Variants in UNC13D observed in about 807,000 individuals in gnomAD.
UNC13D encodes the protein unc-13 homolog D.
A neutral mutation model predicts 151.7 loss-of-function variants in UNC13D; 115 were observed. The ratio of observed to expected loss-of-function variants is 0.76; its 90% CI spans 0.65 to 0.88. The LOEUF is 0.88. Among genes scored for constraint, UNC13D ranks in the 40% least tolerant of loss-of-function variants. UNC13D has a pLI of 0.00. For synonymous variants in UNC13D, 588 were observed against 612.2 expected, an observed-to-expected ratio of 0.96 and a Z score of 0.58; for missense variants, 1,369 against 1,438.7, an observed-to-expected ratio of 0.95 and a Z score of 0.78.
chr17:75,827,667 C>G lies in UNC13D; in HGVS notation c.*298G>C. The G allele has an allele frequency of 6.5e-7, 1 of 1,529,300 alleles. No homozygotes were observed. Among genetic ancestry groups the G allele is most frequent in the South Asian group, 1.2e-5 (1 of 83,902 alleles). 94.7% of individuals were successfully genotyped at this position (1,529,300 alleles called of 1,614,324 possible). Reference sequence around the variant, plus strand: ...ACAGATGGCCCAATCCCCTGCCCACCACAGCAGCTTTTCTGAGAGGCGGGC... The same window carrying G: ...ACAGATGGCCCAATCCCCTGCCCACGACAGCAGCTTTTCTGAGAGGCGGGC... On this transcript the variant is annotated 3_prime_UTR_variant, in exon 32 of 32. Transcript: ENST00000207549.
chr17:75,837,366 A>C (rs1456604318), intron 12 of UNC13D, among the ~76,000 whole-genome samples: 1 of 151,450 alleles, frequency 6.6e-6, no homozygotes, highest in East Asian at 2.0e-4. Context: ...GTGACCAGCC[A>C]GGATTTTTTT....
Position 75,827,570 on chromosome 17 carries a change from C to T in UNC13D, c.*395G>A, listed in dbSNP as rs960829199. 7 of 1,535,128 alleles carry T rather than the reference C, an allele frequency of 4.6e-6. No individual in the cohort carries two copies. Among genetic ancestry groups the T allele is most frequent in the Middle Eastern group, 1.7e-4 (1 of 5,996 alleles). On this transcript the variant is annotated 3_prime_UTR_variant, in exon 32 of 32. Transcript: ENST00000207549. Reference sequence around the variant, plus strand: ...GAGACTCTGTGCCTGTAGCCCTGGTCCCAGTGAACCTGGCCCCCACCCCAG... The same window carrying T: ...GAGACTCTGTGCCTGTAGCCCTGGTTCCAGTGAACCTGGCCCCCACCCCAG...
intron 12 of UNC13D, among the ~76,000 whole-genome samples, chr17:75,839,406 CA>C (rs34913290): frequency 0.37 from 40,432 of 110,668 alleles, 5,950 homozygotes; most frequent in African/African-American, 0.47. Context: ...AACTCCGTTT[CA>C]AAAAAAAAAA....
chr17:75,835,373 C>G (rs2064899861), intron 20 of UNC13D, 36 bp downstream of exon 20: 2 of 1,604,706 alleles, frequency 1.2e-6, no homozygotes, highest in Non-Finnish European at 1.7e-6. Flanking sequence ...CACCCCCAAA[C>G]CGGGGCCCCG....
intron 6 of UNC13D, among the ~76,000 whole-genome samples, chr17:75,841,750 A>AT (rs1212805297): frequency 0.047 from 5,263 of 111,340 alleles, 125 homozygotes; most frequent in African/African-American, 0.072. Context: ...GCCCCCACTA[A>AT]TTTTTTTTTT....
intron 12 of UNC13D, 92 bp downstream of exon 12, chr17:75,839,747 T>G: frequency 5.1e-6 from 7 of 1,360,398 alleles, no homozygotes; most frequent in Non-Finnish European, 6.3e-6. Context: ...GGAACTCTGC[T>G]GAGAATTACA....
Position 75,836,844 on chromosome 17 carries a change from C to A in UNC13D, c.1130G>T (p.Ser377Ile), listed in dbSNP as rs939002658. 1 of 1,614,054 alleles carries A rather than the reference C, an allele frequency of 6.2e-7. No homozygotes were observed. Among genetic ancestry groups the A allele is most frequent in the South Asian group, 1.1e-5 (1 of 91,078 alleles). Residue 377 changes from serine to isoleucine, a missense_variant, in exon 13 of 32, where the codon AGC becomes ATC. By Grantham distance (142) the Ser-to-Ile change is moderately radical. This residue lies in a region of UNC13D where 550 missense variants were observed against 609.0 expected (regional missense o/e 0.90). Coordinates refer to ENST00000207549, the MANE Select transcript of UNC13D (RefSeq NM_199242.3). Reference sequence around the variant, plus strand: ...ACCCTGGATCCACTGGTACTCGATGCTGGTGATGGGGTGCAGGAGGCAGCT... The same window carrying A: ...ACCCTGGATCCACTGGTACTCGATGATGGTGATGGGGTGCAGGAGGCAGCT... Reference protein sequence around the residue: ...PSSCLLHPITSIEYQWIQGRL... With the variant: ...PSSCLLHPITIIEYQWIQGRL...
At chr17:75,835,356 C>G in intron 20 of UNC13D, 53 bp downstream of exon 20, 2 of 1,598,172 alleles carry the variant, frequency 1.3e-6, no homozygotes, top group Non-Finnish European at 1.7e-6. Context: ...AGGCAGAACC[C>G]AAGCCTCACC....
At chr17:75,844,056 C>A in intron 1 of UNC13D, 165 bp downstream of exon 1, 1 of 1,455,876 alleles carries the variant, frequency 6.9e-7, no homozygotes, top group Non-Finnish European at 9.1e-7. Context: ...CTGGCAGCCC[C>A]TGCTCTGCTG....
At chr17:75,843,105 G>A (rs1183874256) in intron 3 of UNC13D, 32 bp from the exon 4 acceptor site, 1 of 1,608,070 alleles carries the variant, frequency 6.2e-7, no homozygotes, top group Non-Finnish European at 8.5e-7. Flanking sequence ...GGGTGGCTGG[G>A]GGCACCAGAC....
rs2064882445 is a variant in UNC13D, at chr17:75,832,971, GA to G, written c.2441del (p.Phe814SerfsTer5). On this transcript the variant is annotated frameshift_variant, in exon 25 of 32. Transcript: ENST00000207549. LOFTEE classifies it high-confidence loss of function. The surrounding 1 kb of genome is among the most constrained non-coding windows in gnomAD (Gnocchi z 4.3). Reference protein sequence around the residue: ...YMNTNLVQENFSSLLTLLWTH... With the variant: ...YMNTNLVQENXSSLLTLLWTH... ...GGGCAGGGGCTGCTACAGACCTGCT[GA>G]AGTTCTCCTGCACCAAGTTGGTGTT... 2 of 1,584,476 alleles carry G rather than the reference GA, an allele frequency of 1.3e-6. No individual in the cohort carries two copies. The highest frequency in any genetic ancestry group is 1.7e-6 in the Non-Finnish European group (2 of 1,165,854).
chr17:75,835,804 G>GT, intron 18 of UNC13D, 27 bp from the exon 19 acceptor site: 2 of 1,613,986 alleles, frequency 1.2e-6, no homozygotes, highest in Non-Finnish European at 1.7e-6. Flanking sequence ...TGGAGGGCGG[G>GT]GCCCACAGCT....
At position 75,831,109 on chromosome 17, in the gene UNC13D, C is replaced by T. The variant is rs775574417; in HGVS notation, c.2614G>A (p.Ala872Thr). ...CGLPPKALHT[A>T]TFQALQRDLE... ...CCCAAAGCCCCTACCTGGAAGGTGG[C>T]AGTGTGCAGGGCCTTGGGTGGCAGG... Residue 872 changes from alanine (A) to threonine (T), a missense_variant, in exon 27 of 32, where the codon GCC (alanine) becomes ACC (threonine). Ala to Thr is a moderately conservative substitution (Grantham distance 58). Transcript: ENST00000207549. 3 of 1,613,934 alleles carry T rather than the reference C, an allele frequency of 1.9e-6. No individual in the cohort carries two copies. The South Asian group carries it at 3.3e-5, about 18-fold the overall frequency.
At chr17:75,839,262 C>A (rs1001431876) in intron 12 of UNC13D, among the ~76,000 whole-genome samples, 1 of 151,950 alleles carries the variant, frequency 6.6e-6, no homozygotes, top group Non-Finnish European at 1.5e-5. Context: ...GTTAGCTGGG[C>A]GTGGTGGCGC....
At position 75,832,505 on chromosome 17, in the gene UNC13D, G is replaced by A. The variant is rs2064879092; in HGVS notation, c.2447+461C>T. Reference sequence around the variant, plus strand: ...CTGGCATGCTGGGTCCCTGCTATAAGACACCCTAGCTAGAAGTTCTCCCTG... The same window carrying A: ...CTGGCATGCTGGGTCCCTGCTATAAAACACCCTAGCTAGAAGTTCTCCCTG... On this transcript the variant is annotated intron_variant, in intron 25 of 31. Coordinates refer to ENST00000207549, the MANE Select transcript of UNC13D (RefSeq NM_199242.3). The surrounding 1 kb of genome is among the most constrained non-coding windows in gnomAD (Gnocchi z 4.3). 1.9e-5 allele frequency: 3 copies of A among 158,172 alleles called. No homozygotes were observed. The highest frequency in any genetic ancestry group is 4.2e-5 in the Non-Finnish European group (3 of 71,000). 9.8% of individuals were successfully genotyped at this position (158,172 alleles called of 1,614,324 possible).
chr17:75,840,296 G>C lies in UNC13D; in HGVS notation c.787C>G (p.Leu263Val), dbSNP rs1256686989. Residue 263 changes from leucine to valine, a missense_variant, in exon 10 of 32, where the codon CTG becomes GTG. Around this residue, in one of 3 missense-constraint regions of UNC13D, gnomAD observed 550 missense variants for 609.0 expected, o/e 0.90. Coordinates refer to ENST00000207549, the MANE Select transcript of UNC13D (RefSeq NM_199242.3). The surrounding 1 kb of genome is among the most constrained non-coding windows in gnomAD (Gnocchi z 4.6). Reference protein sequence around the residue: ...LRCREDQWYPLEPRTETYPDR... With the variant: ...LRCREDQWYPVEPRTETYPDR... Reference sequence around the variant, plus strand: ...GGGTAGGTCTCAGTGCGGGGTTCCAGGGGGTACCACTGGTCCTCTCGGCAG... The same window carrying C: ...GGGTAGGTCTCAGTGCGGGGTTCCACGGGGTACCACTGGTCCTCTCGGCAG... The C allele has an allele frequency of 6.2e-7, 1 of 1,613,800 alleles. No homozygotes were observed. The highest frequency in any genetic ancestry group is 2.2e-5 in the East Asian group (1 of 44,896).
intron 30 of UNC13D, chr17:75,829,664 T>C: frequency 4.0e-6 from 1 of 250,942 alleles, no homozygotes; most frequent in Non-Finnish European, 7.6e-6. Flanking sequence ...AGTGGCACCA[T>C]CTCAGCAGCC....
rs367988204 is a variant in UNC13D at position 75,835,484 on chromosome 17, C to A, written c.1773G>T (p.Pro591=). ...ALDNFHRWFQ[P]AIPSWLQKTY... is the part of the protein sequence containing the mutation. ...TCTTCTGCAGCCAGGAGGGGATGGC[C>A]GGCTGGAACCAGCGGTGGAAATTAT... The change falls in exon 20 of 32, where the codon CCG becomes CCT. Residue 591 remains proline (P), a synonymous_variant. Coordinates refer to ENST00000207549, the MANE Select transcript of UNC13D (RefSeq NM_199242.3). 7.4e-6 allele frequency: 12 copies of A among 1,611,748 alleles called. No homozygotes were observed. The highest frequency in any genetic ancestry group is 1.0e-5 in the Non-Finnish European group (12 of 1,179,216).
chr17:75,830,558 G>C lies in UNC13D; in HGVS notation c.2709+20C>G, dbSNP rs775282536. ...TGCTCCAGGGCCTGCAGAGGGCGCA[G>C]TGCGAGGGAGGGGCCTCACCTGCTG... On this transcript the variant is annotated intron_variant, in intron 28 of 31. Coordinates refer to ENST00000207549, the MANE Select transcript of UNC13D (RefSeq NM_199242.3). The C allele has an allele frequency of 6.4e-7, 1 of 1,567,114 alleles. No homozygotes were observed. Among genetic ancestry groups the C allele is most frequent in the South Asian group, 1.2e-5 (1 of 85,480 alleles).
Sources: gnomAD v4.1 joint callset for allele counts (sites outside exome capture counted in the v4.1 genomes callset) on GRCh38, gnomAD v4.1.1 for gene constraint, gnomAD v4.1.1 regional missense constraint, Gnocchi (gnomAD v3.1) non-coding constraint, MANE v1.5 for transcripts, NCBI Gene and HGNC (gene_info 2026-07-23, HGNC 2026-07-21) for gene names.